Variants in GRIA1 observed in about 807,000 individuals in gnomAD.
GRIA1 encodes the protein glutamate ionotropic receptor AMPA type subunit 1, also known as glutamate receptor 1.
Under a neutral mutation model 99.2 loss-of-function variants are expected in GRIA1, and 31 were observed. The ratio of observed to expected loss-of-function variants is 0.31; its 90% CI spans 0.23 to 0.42. The LOEUF (loss-of-function observed/expected upper bound fraction) is 0.42. Ranked by LOEUF, GRIA1 falls within the 10% of genes least tolerant of loss-of-function variation. The probability of loss-of-function intolerance (pLI) is 1.00; values close to 1 mark genes in which losing one functional copy is unlikely to be tolerated. For missense variants in GRIA1, 782 were observed against 1,157.5 expected (o/e 0.68, Z 4.71); for synonymous variants, 438 against 432.4 (o/e 1.01, Z -0.16).
intron 4 of GRIA1, among the ~76,000 whole-genome samples, chr5:153,652,368 T>C (rs1754637077): frequency 6.6e-6 from 1 of 152,236 alleles, no homozygotes; most frequent in African/African-American, 2.4e-5. Context: ...CCAGATACTA[T>C]GCCAAGACCT....
chr5:153,584,248 C>T (rs1763282118), intron 2 of GRIA1, among the ~76,000 whole-genome samples: 1 of 152,176 alleles, frequency 6.6e-6, no homozygotes, highest in South Asian at 2.1e-4. Context: ...GACTTCCTTC[C>T]TCATCCATCA....
chr5:153,680,328 A>T (rs1756884794), intron 7 of GRIA1, among the ~76,000 whole-genome samples: 1 of 151,956 alleles, frequency 6.6e-6, no homozygotes, highest in African/African-American at 2.4e-5. Context: ...TCAGAATATT[A>T]ATGAACCCAC....
chr5:153,794,725 G>A lies in GRIA1; in HGVS notation c.2375G>A (p.Gly792Asp). The A allele has an allele frequency of 6.2e-7, 1 of 1,608,066 alleles. No individual in the cohort carries two copies. The change falls in exon 14 of 16, where the codon GGT (glycine) becomes GAT (aspartate). Residue 792 changes from glycine to aspartate, a missense_variant. Transcript: ENST00000285900. ...AAGGGCGAGTGCGGCAGCGGGGGAGGTGATTCCAAGGTCAGCCCCAGTAAG... is the reference window on the plus strand; with the variant it reads ...AAGGGCGAGTGCGGCAGCGGGGGAGATGATTCCAAGGTCAGCCCCAGTAAG... Reference protein sequence around the residue: ...YDKGECGSGGGDSKDKTSALS... With the variant: ...YDKGECGSGGDDSKDKTSALS...
At chr5:153,517,224 G>C (rs1756710183) in intron 2 of GRIA1, among the ~76,000 whole-genome samples, 1 of 152,150 alleles carries the variant, frequency 6.6e-6, no homozygotes, top group South Asian at 2.1e-4. Context: ...CTCTTTCTCT[G>C]AATATTCAAT....
chr5:153,589,380 T>C (rs1458178228), intron 2 of GRIA1, among the ~76,000 whole-genome samples: 1 of 152,226 alleles, frequency 6.6e-6, no homozygotes, highest in East Asian at 1.9e-4. Context: ...TCCTGATGGA[T>C]ACTTTTCATT....
intron 6 of GRIA1, among the ~76,000 whole-genome samples, chr5:153,675,275 G>T (rs1756490073): frequency 6.6e-6 from 1 of 151,540 alleles, no homozygotes; most frequent in Non-Finnish European, 1.5e-5. Flanking sequence ...TGTGTAGTGA[G>T]GTGGCCCTTA....
chr5:153,538,441 G>T (rs1490024292), intron 2 of GRIA1, among the ~76,000 whole-genome samples: 2 of 151,972 alleles, frequency 1.3e-5, no homozygotes, highest in African/African-American at 2.4e-5. Flanking sequence ...AAGGTGGAGG[G>T]GTGTTTTTTT....
At chr5:153,541,611 A>G (rs1477389761) in intron 2 of GRIA1, among the ~76,000 whole-genome samples, 1 of 152,012 alleles carries the variant, frequency 6.6e-6, no homozygotes, top group Non-Finnish European at 1.5e-5. Context: ...GTGACTATAC[A>G]CTCTGGCAAC....
At chr5:153,679,397 A>G (rs1317325526) in intron 7 of GRIA1, among the ~76,000 whole-genome samples, 1 of 152,260 alleles carries the variant, frequency 6.6e-6, no homozygotes, top group Non-Finnish European at 1.5e-5. Flanking sequence ...GATTTTGTTG[A>G]AAGACACCTT....
intron 5 of GRIA1, among the ~76,000 whole-genome samples, chr5:153,658,226 A>G (rs1755096254): frequency 6.6e-6 from 1 of 152,176 alleles, no homozygotes; most frequent in Non-Finnish European, 1.5e-5. Flanking sequence ...GAACAAGAAT[A>G]CACAGAACAA....
chr5:153,604,105 A>G lies in GRIA1; in HGVS notation c.221-42823A>G, dbSNP rs1216609061. On this transcript the variant is annotated intron_variant, in intron 2 of 15. Transcript: ENST00000285900. Reference sequence around the variant, plus strand: ...CACAGCAATAACAGAAACAAGTTCTAAAATTTCTCCCTGGAGCTTTACTTC... The same window carrying G: ...CACAGCAATAACAGAAACAAGTTCTGAAATTTCTCCCTGGAGCTTTACTTC... 2.6e-5 allele frequency among the ~76,000 whole-genome samples: 4 copies of G among 152,158 alleles called. No individual in the cohort carries two copies. In the East Asian group the frequency reaches 7.7e-4, roughly 29 times the overall value.
At chr5:153,795,798 C>T (rs1206872105) in intron 14 of GRIA1, among the ~76,000 whole-genome samples, 1 of 152,104 alleles carries the variant, frequency 6.6e-6, no homozygotes, top group African/African-American at 2.4e-5. Flanking sequence ...CCTACCCCTT[C>T]AAAAGGCTCC....
At chr5:153,671,720 T>C (rs1756192406) in intron 5 of GRIA1, among the ~76,000 whole-genome samples, 1 of 152,250 alleles carries the variant, frequency 6.6e-6, no homozygotes. Flanking sequence ...CTCTGGCTTT[T>C]ATTTGTTCAC....
chr5:153,608,052 A>C (rs368475347), intron 2 of GRIA1, among the ~76,000 whole-genome samples: 2 of 152,128 alleles, frequency 1.3e-5, no homozygotes, highest in East Asian at 3.9e-4. Flanking sequence ...TGTAGTCTAC[A>C]TCACAGTTAT....
chr5:153,505,557 A>C (rs549201173), intron 2 of GRIA1, among the ~76,000 whole-genome samples: 1 of 152,374 alleles, frequency 6.6e-6, no homozygotes, highest in African/African-American at 2.4e-5. Flanking sequence ...AGTTTGAAGC[A>C]GAGCTATCCC....
At chr5:153,602,541 TA>T (rs1417529341) in intron 2 of GRIA1, among the ~76,000 whole-genome samples, 12 of 150,206 alleles carry the variant, frequency 8.0e-5, no homozygotes, top group African/African-American at 2.7e-4. Context: ...AATAATAAAA[TA>T]AAAGAAAATA....
In GRIA1 at chr5:153,490,907, T is replaced by G. The variant is rs1180322583; in HGVS notation, c.19T>G (p.Phe7Val). The change falls in exon 1 of 16, where the codon TTC becomes GTC. Residue 7 changes from phenylalanine (F) to valine (V), a missense_variant. By Grantham distance (50) the Phe-to-Val change is conservative. Coordinates refer to ENST00000285900, the MANE Select transcript of GRIA1 (RefSeq NM_000827.4). ...AAGGAATATGCAGCACATTTTTGCCTTCTTCTGCACCGGTTTCCTAGGCGC... is the reference window on the plus strand; with the variant it reads ...AAGGAATATGCAGCACATTTTTGCCGTCTTCTGCACCGGTTTCCTAGGCGC... Reference protein sequence around the residue: MQHIFAFFCTGFLGAVV... With the variant: MQHIFAVFCTGFLGAVV... 9.3e-6 allele frequency: 15 copies of G among 1,614,034 alleles called. No homozygotes were observed. Among genetic ancestry groups the G allele is most frequent in the African/African-American group, 1.3e-5 (1 of 74,930 alleles).
chr5:153,698,756 G>C, intron 9 of GRIA1, 111 bp from the exon 10 acceptor site: 3 of 718,472 alleles, frequency 4.2e-6, no homozygotes, highest in Non-Finnish European at 7.6e-6. Context: ...TGAGGGGCTA[G>C]AGAGCCTTCC....
At chr5:153,785,905 T>C (rs1416447580) in intron 13 of GRIA1, among the ~76,000 whole-genome samples, 2 of 152,224 alleles carry the variant, frequency 1.3e-5, no homozygotes, top group African/African-American at 2.4e-5. Flanking sequence ...GTCTCCCTGA[T>C]CTAATTCTGC....
Sources: gnomAD v4.1 joint callset for allele counts (sites outside exome capture counted in the v4.1 genomes callset) on GRCh38, gnomAD v4.1.1 for gene constraint, MANE v1.5 for transcripts, NCBI Gene and HGNC (gene_info 2026-07-23, HGNC 2026-07-21) for gene names.